WNT8A: variants seen among roughly 807,000 people sequenced by gnomAD.
WNT8A encodes protein Wnt-8a.
A neutral mutation model predicts 20.5 loss-of-function variants in WNT8A; 14 were observed. That is an observed-to-expected ratio of 0.68 (90% CI 0.45 to 1.07). WNT8A has a LOEUF of 1.07. Among genes scored for constraint, WNT8A ranks in the 50% least tolerant of loss-of-function variants. The pLI, the probability that WNT8A is intolerant of heterozygous loss-of-function variation, is 0.00. For missense variants in WNT8A, 397 were observed against 462.9 expected, an observed-to-expected ratio of 0.86 and a Z score of 1.31; for synonymous variants, 167 against 169.2, an observed-to-expected ratio of 0.99 and a Z score of 0.10.
At chr5:138,078,535 A>T in the WNT8A span, among the ~76,000 whole-genome samples, 1 of 152,168 alleles carries the variant, frequency 6.6e-6, no homozygotes, top group Non-Finnish European at 1.5e-5. Context: ...CACTTTTAGA[A>T]AGAAGCACTG....
chr5:138,090,980 G>T lies in WNT8A; in HGVS notation c.1017G>T (p.Thr339=), dbSNP rs551911502. The part of the protein sequence containing the change: ...SCNCKFQWCC[T]VKCDQCRHVV... ...ACTGCAAATTCCAGTGGTGCTGTAC[G>T]GTCAAGTGTGACCAGTGTAGGCATG... is the stretch of plus-strand genomic sequence containing the variant. The change falls in exon 5 of 5, where the codon ACG becomes ACT. Residue 339 remains threonine (T), a synonymous_variant. Transcript: ENST00000506684. 5.6e-6 allele frequency: 9 copies of T among 1,614,020 alleles called. No homozygotes were observed. Among genetic ancestry groups the T allele is most frequent in the South Asian group, 1.1e-5 (1 of 91,080 alleles).
upstream of WNT8A, among the ~76,000 whole-genome samples, chr5:138,079,560 A>C (rs1038135252): frequency 3.9e-5 from 6 of 152,080 alleles, no homozygotes; most frequent in Admixed American, 1.3e-4. Context: ...TCTAGTATTT[A>C]TACCATGAAA....
intron 2 of WNT8A, among the ~76,000 whole-genome samples, chr5:138,085,210 C>T (rs1053088974): frequency 1.3e-5 from 2 of 152,232 alleles, no homozygotes; most frequent in African/African-American, 4.8e-5. Flanking sequence ...GCTGGGATTA[C>T]AGGCGTAAGC....
At chr5:138,080,287 G>T (rs1286199116), upstream of WNT8A, among the ~76,000 whole-genome samples, 1 of 147,224 alleles carries the variant, frequency 6.8e-6, no homozygotes, top group South Asian at 2.1e-4. Context: ...TTGCACCACT[G>T]CACTCTAGCC....
chr5:138,088,359 CTT>C (rs36126596), intron 3 of WNT8A, among the ~76,000 whole-genome samples: 7 of 140,596 alleles, frequency 5.0e-5, no homozygotes, highest in Non-Finnish European at 7.7e-5. Context: ...TGCAGTGAAC[CTT>C]TTTTTTTTTT....
At chr5:138,080,873 G>C (rs181196546), upstream of WNT8A, among the ~76,000 whole-genome samples, 1 of 152,208 alleles carries the variant, frequency 6.6e-6, no homozygotes, top group African/African-American at 2.4e-5. Context: ...CTTGCCCAAG[G>C]TCACACAACA....
chr5:138,078,154 C>G, the WNT8A span, among the ~76,000 whole-genome samples: 1 of 151,984 alleles, frequency 6.6e-6, no homozygotes. Flanking sequence ...GGAGCTCAAG[C>G]AGCTGTGGCA....
At chr5:138,084,022 C>T (rs942398443), upstream of WNT8A, 2 of 1,448,912 alleles carry the variant, frequency 1.4e-6, no homozygotes, top group East Asian at 2.3e-5. Flanking sequence ...TGAGGAAGAC[C>T]CTGCCCTCTC....
the WNT8A span, among the ~76,000 whole-genome samples, chr5:138,077,784 G>C: frequency 2.6e-5 from 4 of 152,280 alleles, no homozygotes; most frequent in South Asian, 8.3e-4. Context: ...GGGTACCTCA[G>C]TCTGATGGGA....
At chr5:138,079,310 TTATTAATTATA>T (rs70979574), upstream of WNT8A, among the ~76,000 whole-genome samples, 63,669 of 146,444 alleles carry the variant, frequency 0.43, 14,396 homozygotes, top group East Asian at 0.6. Context: ...ATTATAATTA[TTATTAATTATA>T]TATTAATTAT....
intron 4 of WNT8A, 24 bp downstream of exon 4, chr5:138,089,093 T>C (rs1581361976): frequency 1.2e-6 from 2 of 1,607,236 alleles, no homozygotes; most frequent in African/African-American, 2.7e-5. Context: ...TTGTGGCCAG[T>C]ATTTCTACAG....
intron 3 of WNT8A, 57 bp from the exon 4 acceptor site, chr5:138,088,870 G>C (rs951813680): frequency 6.3e-7 from 1 of 1,585,826 alleles, no homozygotes; most frequent in African/African-American, 1.3e-5. Flanking sequence ...TGGTTTGGCG[G>C]GTGACTGGGA....
intron 4 of WNT8A, 82 bp downstream of exon 4, chr5:138,089,151 C>T (rs745490074): frequency 2.1e-4 from 326 of 1,525,200 alleles, no homozygotes; most frequent in Non-Finnish European, 2.7e-4. Flanking sequence ...CTGTCTTATA[C>T]GTTCTTTCCT....
chr5:138,080,444 G>GTTTTTGTTT (rs1750473690), upstream of WNT8A, among the ~76,000 whole-genome samples: 1 of 55,974 alleles, frequency 1.8e-5, no homozygotes, highest in Non-Finnish European at 3.2e-5. Context: ...TGTAAATCTT[G>GTTTTTGTTT]TTTTTTTTTT....
At chr5:138,082,724 A>AAAATTAGC (rs2151143202), upstream of WNT8A, among the ~76,000 whole-genome samples, 1 of 151,666 alleles carries the variant, frequency 6.6e-6, no homozygotes, top group Admixed American at 6.6e-5. Context: ...TAAAAATACA[A>AAAATTAGC]AAATTAGCTG....
intron 2 of WNT8A, among the ~76,000 whole-genome samples, chr5:138,084,910 A>G (rs966214528): frequency 6.6e-6 from 1 of 151,868 alleles, no homozygotes; most frequent in Non-Finnish European, 1.5e-5. Flanking sequence ...GTCTCTATGT[A>G]TGAGATAAAT....
At chr5:138,080,454 T>TTG (rs1554086781), upstream of WNT8A, among the ~76,000 whole-genome samples, 2 of 97,160 alleles carry the variant, frequency 2.1e-5, no homozygotes, top group African/African-American at 7.7e-5. Flanking sequence ...GTTTTTTTTT[T>TTG]TTTTTTTTTT....
intron 4 of WNT8A, among the ~76,000 whole-genome samples, chr5:138,089,867 G>A (rs896173767): frequency 4.6e-5 from 7 of 152,122 alleles, no homozygotes; most frequent in African/African-American, 1.4e-4. Flanking sequence ...TCCCCATATT[G>A]CCCAGGCTGG....
chr5:138,087,666 A>AAG (rs1439650502), intron 2 of WNT8A, 140 bp from the exon 3 acceptor site: 8 of 861,024 alleles, frequency 9.3e-6, no homozygotes, highest in Admixed American at 5.6e-5. Flanking sequence ...AAAAAAAAAA[A>AAG]AAAAAAAAGA....
Sources: allele counts gnomAD v4.1 joint callset (sites outside exome capture counted in the v4.1 genomes callset), GRCh38; gene constraint gnomAD v4.1.1; transcripts MANE v1.5; gene names NCBI Gene and HGNC (gene_info 2026-07-23, HGNC 2026-07-21).